HSPG2: variants seen among roughly 807,000 people sequenced by gnomAD.
HSPG2 encodes the protein basement membrane-specific heparan sulfate proteoglycan core protein.
In HSPG2, 278 loss-of-function variants were observed where a neutral mutation model predicts 526.6. That is an observed-to-expected ratio of 0.53 (90% confidence interval 0.48 to 0.58). The LOEUF is 0.58. HSPG2 is among the 20% of genes least tolerant of loss of function. The probability of loss-of-function intolerance (pLI) is 0.00; values close to 1 mark genes in which losing one functional copy is unlikely to be tolerated. For missense variants in HSPG2, 5,354 were observed against 6,099.5 expected (o/e 0.88, Z 4.07); for synonymous variants, 2,465 against 2,555.4 (o/e 0.96, Z 1.07).
chr1:21,835,991 A>AG (rs2098024993), intron 75 of HSPG2, among the ~76,000 whole-genome samples: 1 of 151,656 alleles, frequency 6.6e-6, no homozygotes, highest in African/African-American at 2.4e-5. Flanking sequence ...CTCAAAAAAA[A>AG]AAAAAAAAAA....
At position 21,865,778 on chromosome 1, in the gene HSPG2, G is replaced by T. The variant is rs766858463; in HGVS notation, c.4253C>A (p.Thr1418Asn). ...CTGTGGGCCTGCTGTGTAGGAGAGG[G>T]TGTATCGCAACTTCCCACCGTAGGC... ...VAAYGGKLRYTLSYTAGPQGS... is the reference protein window; with the variant it reads ...VAAYGGKLRYNLSYTAGPQGS... The change falls in exon 34 of 97, where the codon ACC becomes AAC. Residue 1418 changes from threonine (T) to asparagine (N), a missense_variant. Transcript: ENST00000374695. This position sits in a 1 kb window ranked among gnomAD's most constrained non-coding sequence, Gnocchi z 5.4. The T allele has an allele frequency of 5.0e-6, 8 of 1,613,760 alleles. No homozygotes were observed. The highest frequency in any genetic ancestry group is 6.8e-6 in the Non-Finnish European group (8 of 1,179,998).
intron 1 of HSPG2, among the ~76,000 whole-genome samples, chr1:21,915,046 C>A (rs985277527): frequency 6.1e-5 from 9 of 146,538 alleles, no homozygotes; most frequent in Non-Finnish European, 9.0e-5. Context: ...ATGTTCCTGA[C>A]CAGGCGGAGG....
intron 64 of HSPG2, 24 bp downstream of exon 64, chr1:21,846,084 C>T (rs1294211173): frequency 6.2e-7 from 1 of 1,611,312 alleles, no homozygotes; most frequent in Non-Finnish European, 8.5e-7. Flanking sequence ...CCCGGCCTTC[C>T]CGTCCCACTG....
intron 1 of HSPG2, among the ~76,000 whole-genome samples, chr1:21,926,211 C>T (rs754323481): frequency 6.6e-5 from 10 of 152,028 alleles, no homozygotes; most frequent in Non-Finnish European, 1.2e-4. Context: ...GTATTATATG[C>T]GATAATGCCT....
Position 21,864,809 on chromosome 1 carries a change from T to A in HSPG2, c.4626+34A>T. Reference sequence around the variant, plus strand: ...ATTTGCTTGCTGATGCCTCTGTGCCTGTGCAGAGGTGGTGGAGCTGGCCAC... The same window carrying A: ...ATTTGCTTGCTGATGCCTCTGTGCCAGTGCAGAGGTGGTGGAGCTGGCCAC... On this transcript the variant is annotated intron_variant, in intron 36 of 96. Transcript: ENST00000374695. This position sits in a 1 kb window ranked among gnomAD's most constrained non-coding sequence, Gnocchi z 4.8. 1 of 1,543,904 alleles carries A rather than the reference T, an allele frequency of 6.5e-7. No homozygotes were observed. The highest frequency in any genetic ancestry group is 8.9e-7 in the Non-Finnish European group (1 of 1,127,218).
At position 21,861,974 on chromosome 1, in the gene HSPG2, G is replaced by C. The variant is rs1296270055; in HGVS notation, c.4868+14C>G. 1 of 1,614,238 alleles carries C rather than the reference G, an allele frequency of 6.2e-7. No individual in the cohort carries two copies. The highest frequency in any genetic ancestry group is 1.7e-5 in the Admixed American group (1 of 60,030). ...GTGGAAGTGTGTCCTTGGGCCTTGA[G>C]CTAGGGTACCCACATGTTCTCTGGG... On this transcript the variant is annotated intron_variant, in intron 38 of 96. Transcript: ENST00000374695.
At position 21,873,025 on chromosome 1, in the gene HSPG2, C is replaced by T. The variant is rs1640778734; in HGVS notation, c.3860G>A (p.Cys1287Tyr). The T allele has an allele frequency of 4.4e-6, 7 of 1,608,960 alleles. No homozygotes were observed. Among genetic ancestry groups the T allele is most frequent in the Non-Finnish European group, 5.9e-6 (7 of 1,179,892 alleles). ...CDPQGSVSSQCDAAGQCQCKA... is the reference protein window; with the variant it reads ...CDPQGSVSSQYDAAGQCQCKA... ...GCACTGGCACTGACCAGCAGCATCA[C>T]ACTGGCTGCTGACGCTGCCTTGGGG... Residue 1287 changes from cysteine to tyrosine, a missense_variant, in exon 31 of 97, where the codon TGT becomes TAT. By Grantham distance (194) the Cys-to-Tyr change is radical. Transcript: ENST00000374695.
In HSPG2 at chr1:21,829,668, C is replaced by T. The variant is rs116062737; in HGVS notation, c.11771-64G>A. ...TGGACCCTCGGGTGGGGTCCAGCTA[C>T]TCTGCCTTCCTCTGGGACCCTTGCC... On this transcript the variant is annotated intron_variant, in intron 86 of 96. Transcript: ENST00000374695. 5,079 of 1,357,826 alleles carry T rather than the reference C, an allele frequency of 3.7e-3. 135 individuals are homozygous for T. The African/African-American group carries it at 0.064, about 17-fold the overall frequency. The allele number at this position is 1,357,826 out of a possible 1,614,324, so 84.1% of individuals were successfully genotyped here.
intron 75 of HSPG2, 146 bp from the exon 76 acceptor site, chr1:21,835,783 A>C: frequency 1.6e-6 from 1 of 644,706 alleles, no homozygotes; most frequent in Non-Finnish European, 2.8e-6. Flanking sequence ...CAGGAGCTTG[A>C]GACCAGCCTG....
rs1427465245 is a variant in HSPG2 at position 21,833,263 on chromosome 1, C to T, written c.11095+5G>A. On this transcript the variant is annotated splice_donor_5th_base_variant and intron_variant, in intron 80 of 96. Coordinates refer to ENST00000374695, the MANE Select transcript of HSPG2 (RefSeq NM_005529.7). The stretch of plus-strand genomic sequence containing the variant: ...CCCACCCCGCAAATTAACCCTCCTG[C>T]TCACCATCGGCTGAGTCGGGCCGGA... 1 of 1,612,094 alleles carries T rather than the reference C, an allele frequency of 6.2e-7. No individual in the cohort carries two copies. The highest frequency in any genetic ancestry group is 1.3e-5 in the African/African-American group (1 of 74,992).
intron 86 of HSPG2, 39 bp from the exon 87 acceptor site, chr1:21,829,643 T>G (rs752017249): frequency 3.2e-6 from 5 of 1,553,278 alleles, no homozygotes; most frequent in Non-Finnish European, 4.4e-6. Flanking sequence ...GTGGGGATCC[T>G]GGACCCTCGG....
In HSPG2 at chr1:21,823,652, T is replaced by A. The variant is rs375607133; in HGVS notation, c.12967A>T (p.Asn4323Tyr). The A allele has an allele frequency of 6.2e-7, 1 of 1,613,798 alleles. No homozygotes were observed. Among genetic ancestry groups the A allele is most frequent in the Non-Finnish European group, 8.5e-7 (1 of 1,180,000 alleles). The change falls in exon 96 of 97, where the codon AAC becomes TAC. Residue 4323 changes from asparagine (N) to tyrosine (Y), a missense_variant. Coordinates refer to ENST00000374695, the MANE Select transcript of HSPG2 (RefSeq NM_005529.7). Reference protein sequence around the residue: ...ELVSGRSPGPNVAVNAKGSVY... With the variant: ...ELVSGRSPGPYVAVNAKGSVY... ...CTGCCCTTGGCGTTGACTGCCACGT[T>A]GGGACCTGGGGACCGGCCGCTGACC...
chr1:21,918,381 C>T (rs546895670), intron 1 of HSPG2, among the ~76,000 whole-genome samples: 12 of 151,670 alleles, frequency 7.9e-5, no homozygotes, highest in Admixed American at 7.9e-4. Context: ...AGGAGAATCA[C>T]TTGAACCTGG....
At chr1:21,873,461 A>C in intron 29 of HSPG2, 37 bp from the exon 30 acceptor site, 1 of 1,608,000 alleles carries the variant, frequency 6.2e-7, no homozygotes, top group Non-Finnish European at 8.5e-7. Context: ...ATTTTGGATG[A>C]AGGGAAGCAG....
At chr1:21,853,394 C>T (rs1201383213) in intron 50 of HSPG2, among the ~76,000 whole-genome samples, 1 of 152,230 alleles carries the variant, frequency 6.6e-6, no homozygotes, top group Admixed American at 6.5e-5. Flanking sequence ...CTCCCTTCTA[C>T]AGGACGTCTT....
chr1:21,910,089 G>A (rs1410679414), intron 1 of HSPG2, among the ~76,000 whole-genome samples: 4 of 152,284 alleles, frequency 2.6e-5, no homozygotes, highest in African/African-American at 2.4e-5. Flanking sequence ...AGACCTCCCC[G>A]CCCCACCTCC....
At chr1:21,936,156 G>A (rs1246816085) in intron 1 of HSPG2, among the ~76,000 whole-genome samples, 1 of 151,992 alleles carries the variant, frequency 6.6e-6, no homozygotes, top group Non-Finnish European at 1.5e-5. Flanking sequence ...CGGTAGGCTC[G>A]GCTCCCCAGA....
intron 21 of HSPG2, among the ~76,000 whole-genome samples, chr1:21,877,296 T>C (rs897469): frequency 0.97 from 146,846 of 152,092 alleles, 71,093 homozygotes; most frequent in Middle Eastern, 1. Context: ...CCATTCGACA[T>C]CACCTCATTT....
At chr1:21,926,789 G>C (rs72662464) in intron 1 of HSPG2, among the ~76,000 whole-genome samples, 1 of 78,454 alleles carries the variant, frequency 1.3e-5, no homozygotes, top group Non-Finnish European at 2.8e-5. Context: ...AAAAAAAAAA[G>C]AGAGAAAGAA....
Sources: gnomAD v4.1 joint callset for allele counts (sites outside exome capture counted in the v4.1 genomes callset) on GRCh38, gnomAD v4.1.1 for gene constraint, Gnocchi (gnomAD v3.1) non-coding constraint, MANE v1.5 for transcripts, NCBI Gene and HGNC (gene_info 2026-07-23, HGNC 2026-07-21) for gene names.